Variants in CCT3 observed in about 807,000 individuals in gnomAD.
CCT3 encodes the protein chaperonin containing TCP1 subunit 3.
Under a neutral mutation model 65.3 loss-of-function variants are expected in CCT3, and 10 were observed. The ratio of observed to expected loss-of-function variants is 0.15; its 90% CI spans 0.09 to 0.26. CCT3 has a LOEUF of 0.26. CCT3 is among the 10% of genes least tolerant of loss of function. CCT3 has a pLI of 1.00. For synonymous variants in CCT3, 225 were observed against 242.3 expected (o/e 0.93, Z 0.66); for missense variants, 626 against 708.7 (o/e 0.88, Z 1.33).
chr1:156,320,203 G>A (rs1350559281), intron 7 of CCT3, among the ~76,000 whole-genome samples: 3 of 151,894 alleles, frequency 2.0e-5, no homozygotes, highest in African/African-American at 7.3e-5. Flanking sequence ...TCAGGAGTTC[G>A]AGACCATCCT....
intron 6 of CCT3, 59 bp from the exon 7 acceptor site, chr1:156,321,084 G>T: frequency 1.5e-6 from 2 of 1,368,334 alleles, no homozygotes; most frequent in Non-Finnish European, 2.1e-6. Flanking sequence ...GTAGAGATGT[G>T]CCTTATCTAT....
chr1:156,318,224 A>ATTTT lies in CCT3; in HGVS notation c.759+640_759+643dup, dbSNP rs58622068. On this transcript the variant is annotated intron_variant, in intron 8 of 13. Coordinates refer to ENST00000295688, the MANE Select transcript of CCT3 (RefSeq NM_005998.5). ...CCTTGTGAGCCTCCTGCCCTCTAGA[A>ATTTT]TTTTTTTTTTTTTTTTTTTGAGACA... Among the ~76,000 whole-genome samples, 820 of 130,532 alleles carry ATTTT rather than the reference A, an allele frequency of 6.3e-3. 20 individuals carry two copies. Among genetic ancestry groups the ATTTT allele is most frequent in the Non-Finnish European group, 9.7e-3 (602 of 61,796 alleles). 85.6% of individuals were successfully genotyped at this position (130,532 alleles called of 152,430 possible). A position where few individuals can be genotyped will look rare whatever the true frequency, so the allele number is the denominator to read the frequency against.
Position 156,325,028 on chromosome 1 carries a change from C to A in CCT3, c.366G>T (p.Val122=). Residue 122 remains valine (V), a synonymous_variant, in exon 6 of 14, where the codon GTG becomes GTT. Coordinates refer to ENST00000295688, the MANE Select transcript of CCT3 (RefSeq NM_005998.5). ...FLEQQMHPTV[V]ISAYRKALDD... ...CCAATGCCTTGCGGTAAGCACTGAT[C>A]ACCACTGTTGGGTGCATCTGCTGCT... 4 of 1,613,826 alleles carry A rather than the reference C, an allele frequency of 2.5e-6. No individual in the cohort carries two copies. Among genetic ancestry groups the A allele is most frequent in the Non-Finnish European group, 2.5e-6 (3 of 1,179,970 alleles).
intron 6 of CCT3, among the ~76,000 whole-genome samples, chr1:156,324,051 C>T (rs58230345): frequency 0.023 from 3,430 of 151,712 alleles, 133 homozygotes; most frequent in African/African-American, 0.079. Context: ...GTGTGAGCCA[C>T]CATGCCCAGC....
intron 10 of CCT3, among the ~76,000 whole-genome samples, chr1:156,313,526 T>G (rs1664174112): frequency 6.6e-6 from 1 of 152,192 alleles, no homozygotes; most frequent in Admixed American, 6.5e-5. Context: ...GGAGTTAGCC[T>G]GTCCCTTGGG....
intron 13 of CCT3, among the ~76,000 whole-genome samples, chr1:156,310,144 T>G (rs112787289): frequency 6.6e-6 from 1 of 151,430 alleles, no homozygotes; most frequent in East Asian, 1.9e-4. Context: ...ATTAAAGAGA[T>G]AGAATGCCTT....
At chr1:156,334,963 C>A in intron 2 of CCT3, 45 bp from the exon 3 acceptor site, 1 of 1,568,272 alleles carries the variant, frequency 6.4e-7, no homozygotes, top group Non-Finnish European at 8.8e-7. Flanking sequence ...AATCAGAGGA[C>A]AGTGTGAGAA....
chr1:156,327,809 C>T (rs1664892824), intron 5 of CCT3, among the ~76,000 whole-genome samples: 2 of 150,908 alleles, frequency 1.3e-5, no homozygotes, highest in Admixed American at 6.6e-5. Context: ...TGAGGAGCTT[C>T]TCTGCCCGGC....
At chr1:156,311,938 A>C in intron 11 of CCT3, 103 bp downstream of exon 11, 1 of 838,610 alleles carries the variant, frequency 1.2e-6, no homozygotes, top group Non-Finnish European at 1.7e-6. Flanking sequence ...GGTCCAAATT[A>C]AATAGCTATA....
In CCT3 at chr1:156,338,237, T is replaced by C. The variant is rs1381444707; in HGVS notation, c.-53A>G. On this transcript the variant is annotated 5_prime_UTR_variant, in exon 1 of 14. Transcript: ENST00000295688. ...AGAGCTGGGGGAACCGGCAGAACCT[T>C]CTGGAGAGAGAGAACCAGACAGAAG... The C allele has an allele frequency of 6.5e-7, 1 of 1,548,590 alleles. No individual in the cohort carries two copies.
rs373830645 is a variant in CCT3, at chr1:156,334,724, T to G, written c.196A>C (p.Ile66Leu). The change falls in exon 4 of 14, where the codon ATT becomes CTT. Residue 66 changes from isoleucine (I) to leucine (L), a missense_variant. By Grantham distance (5) the Ile-to-Leu change is conservative (BLOSUM62 2). Coordinates refer to ENST00000295688, the MANE Select transcript of CCT3 (RefSeq NM_005998.5). ...AAAACAAAACACACCTCTCGAAGAATGGCATTGCCATCATTGGTCATCACA... is the reference window on the plus strand; with the variant it reads ...AAAACAAAACACACCTCTCGAAGAAGGGCATTGCCATCATTGGTCATCACA... ...GIVMTNDGNA[I>L]LREIQVQHPA... is the part of the protein sequence containing the mutation. The G allele has an allele frequency of 6.2e-7, 1 of 1,614,062 alleles. No homozygotes were observed. The highest frequency in any genetic ancestry group is 2.2e-5 in the East Asian group (1 of 44,874).
At chr1:156,335,671 TA>T in intron 2 of CCT3, 155 bp downstream of exon 2, 1 of 593,736 alleles carries the variant, frequency 1.7e-6, no homozygotes. Flanking sequence ...TCCTTTCCCC[TA>T]ACATCATCAG....
chr1:156,335,337 G>A (rs544248213), intron 2 of CCT3: 35 of 185,438 alleles, frequency 1.9e-4, no homozygotes, highest in South Asian at 8.0e-4. Flanking sequence ...GGGGGAAATG[G>A]CTCCCAGAGC....
At position 156,330,162 on chromosome 1, in the gene CCT3, G is replaced by A. The variant is rs916592578; in HGVS notation, c.304+3385C>T. Among the ~76,000 whole-genome samples, 23 of 151,968 alleles carry A rather than the reference G, an allele frequency of 1.5e-4. 1 individual carries two copies. The highest frequency in any genetic ancestry group is 7.9e-4 in the Admixed American group (12 of 15,230). On this transcript the variant is annotated intron_variant, in intron 5 of 13. Coordinates refer to ENST00000295688, the MANE Select transcript of CCT3 (RefSeq NM_005998.5). ...AATTATCAGCTAGAAAATTTTCTCT[G>A]ATATGTAAAGCTCATGTTCTATTAC... is the stretch of plus-strand genomic sequence containing the variant.
intron 8 of CCT3, 101 bp downstream of exon 8, chr1:156,318,767 G>A (rs1354416147): frequency 3.6e-6 from 4 of 1,104,170 alleles, no homozygotes; most frequent in African/African-American, 3.1e-5. Flanking sequence ...TGTACACTAT[G>A]CACCCAGAAG....
rs367561185 is a variant in CCT3, at chr1:156,328,720, G to T, written c.305-3631C>A. 2.0e-4 allele frequency among the ~76,000 whole-genome samples: 30 copies of T among 152,104 alleles called. No homozygotes were observed. In the East Asian group the frequency reaches 5.2e-3, roughly 26 times the overall value. Reference sequence around the variant, plus strand: ...AAGTACCCAGGGACACAAACACTGCGGAAGGCAGCAGGGTCCTCTGCCCAG... The same window carrying T: ...AAGTACCCAGGGACACAAACACTGCTGAAGGCAGCAGGGTCCTCTGCCCAG... On this transcript the variant is annotated intron_variant, in intron 5 of 13. Transcript: ENST00000295688.
At position 156,309,166 on chromosome 1, in the gene CCT3, G is replaced by A. The variant is rs754420858; in HGVS notation, c.*33C>T. On this transcript the variant is annotated 3_prime_UTR_variant, in exon 14 of 14. Transcript: ENST00000295688. ...GCTCAGGAAAAGGGGAGACTCTGCT[G>A]GTTCTGTGCATTGAAGTAGCCTTGC... The A allele has an allele frequency of 7.3e-7, 1 of 1,371,484 alleles. No individual in the cohort carries two copies. Among genetic ancestry groups the A allele is most frequent in the Admixed American group, 1.7e-5 (1 of 59,682 alleles). The allele number at this position is 1,371,484 out of a possible 1,614,324, so 85.0% of individuals were successfully genotyped here. A position where few individuals can be genotyped will look rare whatever the true frequency, so the allele number is the denominator to read the frequency against.
intron 1 of CCT3, 33 bp downstream of exon 1, chr1:156,338,121 G>A: frequency 6.4e-7 from 1 of 1,573,316 alleles, no homozygotes; most frequent in East Asian, 2.3e-5. Context: ...AGGGCGAAAA[G>A]GGGGTCCATT....
intron 6 of CCT3, among the ~76,000 whole-genome samples, chr1:156,321,983 C>T (rs995747543): frequency 3.3e-5 from 5 of 152,196 alleles, no homozygotes; most frequent in Admixed American, 3.3e-4. Flanking sequence ...GGGCTGGGTG[C>T]CATGCTTCAC....
Sources: allele counts gnomAD v4.1 joint callset (sites outside exome capture counted in the v4.1 genomes callset), GRCh38; gene constraint gnomAD v4.1.1; transcripts MANE v1.5; gene names NCBI Gene and HGNC (gene_info 2026-07-23, HGNC 2026-07-21).